Variants in LYPLA1 observed in about 807,000 individuals in gnomAD.
LYPLA1 encodes lysophospholipase 1, also known as acyl-protein thioesterase 1.
A neutral mutation model predicts 34.0 loss-of-function variants in LYPLA1; 17 were observed. The ratio of observed to expected loss-of-function variants is 0.50; its 90% CI spans 0.34 to 0.75. The LOEUF (loss-of-function observed/expected upper bound fraction) is 0.75. LYPLA1 is among the 30% of genes least tolerant of loss of function. The probability of loss-of-function intolerance (pLI) is 0.01; values close to 1 mark genes in which losing one functional copy is unlikely to be tolerated. For missense variants in LYPLA1, 203 were observed against 288.8 expected, an observed-to-expected ratio of 0.70 and a Z score of 2.15; for synonymous variants, 98 against 100.8, an observed-to-expected ratio of 0.97 and a Z score of 0.17.
At chr8:54,077,783 G>C (rs559719520) in intron 2 of LYPLA1, among the ~76,000 whole-genome samples, 2 of 152,094 alleles carry the variant, frequency 1.3e-5, no homozygotes, top group Non-Finnish European at 2.9e-5. Flanking sequence ...GGTCTAGAAC[G>C]GGCAAAAGTA....
At chr8:54,070,514 A>C (rs1437051120) in intron 2 of LYPLA1, among the ~76,000 whole-genome samples, 1 of 152,158 alleles carries the variant, frequency 6.6e-6, no homozygotes, top group Admixed American at 6.6e-5. Context: ...ACCTGAGGTC[A>C]GGGGTTCGAG....
intron 2 of LYPLA1, among the ~76,000 whole-genome samples, chr8:54,096,039 T>C (rs1194099141): frequency 6.6e-6 from 1 of 152,238 alleles, no homozygotes; most frequent in Admixed American, 6.5e-5. Flanking sequence ...GACCGTAGTA[T>C]ACCATCAGTG....
intron 3 of LYPLA1, among the ~76,000 whole-genome samples, chr8:54,063,977 T>G (rs1169862936): frequency 1.3e-5 from 2 of 152,210 alleles, no homozygotes; most frequent in Non-Finnish European, 2.9e-5. Flanking sequence ...TCTCACCACT[T>G]TCCTCCTGAT....
intron 3 of LYPLA1, among the ~76,000 whole-genome samples, chr8:54,064,936 C>G (rs1490555069): frequency 2.0e-5 from 3 of 152,104 alleles, no homozygotes; most frequent in Non-Finnish European, 4.4e-5. Context: ...TCAAACTGAC[C>G]TGGGCCACAG....
In LYPLA1 at chr8:54,065,777, A is replaced by T. The variant is rs767935898; in HGVS notation, c.138T>A (p.Ser46Arg). 1.9e-6 allele frequency: 3 copies of T among 1,613,998 alleles called. No individual in the cohort carries two copies. Among genetic ancestry groups the T allele is most frequent in the Non-Finnish European group, 2.5e-6 (3 of 1,179,898 alleles). ...GWAEAFAGIR[S>R]SHIKYICPHA... is the part of the protein sequence containing the mutation. ...GCGGGCAGATATATTTGATATGTGA[A>T]CTTCTGATACCTGCAAAGGCTTCTG... The change falls in exon 3 of 9, where the codon AGT becomes AGA. Residue 46 changes from serine to arginine, a missense_variant. By Grantham distance (110) the Ser-to-Arg change is moderately radical. Coordinates refer to ENST00000316963, the MANE Select transcript of LYPLA1 (RefSeq NM_006330.4).
intron 2 of LYPLA1, among the ~76,000 whole-genome samples, chr8:54,085,467 C>T (rs553263475): frequency 1.9e-4 from 29 of 152,076 alleles, no homozygotes; most frequent in Non-Finnish European, 2.9e-4. Flanking sequence ...ATGTGAGGAG[C>T]CCCTCTGCCC....
intron 2 of LYPLA1, among the ~76,000 whole-genome samples, chr8:54,069,161 A>G (rs890468664): frequency 1.3e-5 from 2 of 152,202 alleles, no homozygotes; most frequent in Non-Finnish European, 2.9e-5. Context: ...GATGAAAGGA[A>G]TAAATTCTGG....
chr8:54,085,001 T>TCCC (rs755030291), intron 2 of LYPLA1, among the ~76,000 whole-genome samples: 18 of 119,940 alleles, frequency 1.5e-4, no homozygotes, highest in African/African-American at 1.0e-3. Flanking sequence ...CTCCCTCCTC[T>TCCC]TCCTCTCCCT....
intron 2 of LYPLA1, among the ~76,000 whole-genome samples, chr8:54,091,531 A>AAAAAG (rs1182472513): frequency 7.7e-5 from 11 of 142,508 alleles, no homozygotes; most frequent in Middle Eastern, 3.4e-3. Context: ...AAAGAAAAGA[A>AAAAAG]AAAAGAAAAG....
At position 54,085,051 on chromosome 8, in the gene LYPLA1, G is replaced by A. The variant is rs543002289; in HGVS notation, c.101+15857C>T. 8.4e-4 allele frequency among the ~76,000 whole-genome samples: 128 copies of A among 152,198 alleles called. 1 individual carries two copies. Among genetic ancestry groups the A allele is most frequent in the African/African-American group, 2.8e-3 (117 of 41,538 alleles). On this transcript the variant is annotated intron_variant, in intron 2 of 8. Coordinates refer to ENST00000316963, the MANE Select transcript of LYPLA1 (RefSeq NM_006330.4). ...TTGCACAGTCTCCCTCTGATGCCGA[G>A]ACGAGGCTGGACTGTACTGCCGCCA...
intron 2 of LYPLA1, among the ~76,000 whole-genome samples, chr8:54,080,526 T>C (rs1205689562): frequency 1.3e-5 from 2 of 152,186 alleles, no homozygotes; most frequent in Admixed American, 1.3e-4. Flanking sequence ...ACGAAGTATA[T>C]TGAGAAATAT....
intron 6 of LYPLA1, chr8:54,053,438 A>T: frequency 3.0e-6 from 1 of 335,396 alleles, no homozygotes; most frequent in Admixed American, 3.8e-5. Flanking sequence ...AGATAATAAT[A>T]ACTATTTAGC....
At chr8:54,067,424 T>C (rs1260298368) in intron 2 of LYPLA1, among the ~76,000 whole-genome samples, 1 of 152,164 alleles carries the variant, frequency 6.6e-6, no homozygotes, top group Non-Finnish European at 1.5e-5. Flanking sequence ...AAGCAGAACA[T>C]GGAATAATTG....
At position 54,056,591 on chromosome 8, in the gene LYPLA1, C is replaced by G. The variant is rs141898666; in HGVS notation, c.287-1458G>C. ...GAATATATAAGGAGCTTTAACAACT[C>G]TATAGGAAAAAAATCTAATAATCTG... On this transcript the variant is annotated intron_variant, in intron 5 of 8. Transcript: ENST00000316963. Among the ~76,000 whole-genome samples the G allele has an allele frequency of 7.4e-3, 1,119 of 152,124 alleles. 8 individuals are homozygous for G. The highest frequency in any genetic ancestry group is 0.023 in the African/African-American group (934 of 41,496).
At chr8:54,098,390 C>A (rs1809852045) in intron 2 of LYPLA1, among the ~76,000 whole-genome samples, 1 of 152,006 alleles carries the variant, frequency 6.6e-6, no homozygotes, top group Non-Finnish European at 1.5e-5. Context: ...GAATGGTGTA[C>A]AATTCAGGCC....
intron 2 of LYPLA1, among the ~76,000 whole-genome samples, chr8:54,095,703 A>G (rs1377447042): frequency 6.6e-6 from 1 of 151,974 alleles, no homozygotes; most frequent in Non-Finnish European, 1.5e-5. Context: ...ACAAAACATC[A>G]GATAAACCCA....
At chr8:54,085,459 G>A (rs951725199) in intron 2 of LYPLA1, among the ~76,000 whole-genome samples, 1 of 152,194 alleles carries the variant, frequency 6.6e-6, no homozygotes, top group Non-Finnish European at 1.5e-5. Flanking sequence ...CGTCTGGGAT[G>A]TGAGGAGCCC....
Position 54,101,874 on chromosome 8 carries a change from G to A in LYPLA1, c.-51C>T, listed in dbSNP as rs759321383. The stretch of plus-strand genomic sequence containing the variant: ...CGGAAGGAAGAGCGGGCGCCCGGCC[G>A]CGGCCCAAGGGCGTGCGAGCGGCGA... On this transcript the variant is annotated 5_prime_UTR_variant, in exon 1 of 9. Coordinates refer to ENST00000316963, the MANE Select transcript of LYPLA1 (RefSeq NM_006330.4). 40 of 1,137,796 alleles carry A rather than the reference G, an allele frequency of 3.5e-5. No individual in the cohort carries two copies. Among genetic ancestry groups the A allele is most frequent in the East Asian group, 3.7e-5 (1 of 26,970 alleles). 70.5% of individuals were successfully genotyped at this position (1,137,796 alleles called of 1,614,324 possible). A position where few individuals can be genotyped will look rare whatever the true frequency, so the allele number is the denominator to read the frequency against.
chr8:54,066,649 T>G (rs1283866385), intron 2 of LYPLA1, among the ~76,000 whole-genome samples: 1 of 151,486 alleles, frequency 6.6e-6, no homozygotes, highest in Non-Finnish European at 1.5e-5. Context: ...GGCATGGTGG[T>G]GTGCACCTGT....
Sources: allele counts gnomAD v4.1 joint callset (sites outside exome capture counted in the v4.1 genomes callset), GRCh38; gene constraint gnomAD v4.1.1; transcripts MANE v1.5; gene names NCBI Gene and HGNC (gene_info 2026-07-23, HGNC 2026-07-21).